COL23A1: variants seen among roughly 807,000 people sequenced by gnomAD.
COL23A1 encodes the protein collagen alpha-1(XXIII) chain.
In COL23A1, 97 loss-of-function variants were observed where a neutral mutation model predicts 99.3. That is an observed-to-expected ratio of 0.98 (90% CI 0.83 to 1.16). The LOEUF (loss-of-function observed/expected upper bound fraction) is 1.16. Among genes scored for constraint, COL23A1 ranks in the 50% most tolerant of loss-of-function variants. The pLI is 0.00. For missense variants in COL23A1, 762 were observed against 757.4 expected (o/e 1.01, Z -0.07); for synonymous variants, 320 against 308.2 (o/e 1.04, Z -0.40).
At chr5:178,554,691 CTT>C (rs58748656) in intron 2 of COL23A1, among the ~76,000 whole-genome samples, 1 of 152,162 alleles carries the variant, frequency 6.6e-6, no homozygotes, top group East Asian at 1.9e-4. Flanking sequence ...CCCTCCCCCA[CTT>C]TGTCTCCCCT....
At chr5:178,525,848 A>G (rs533717943) in intron 2 of COL23A1, among the ~76,000 whole-genome samples, 47 of 152,390 alleles carry the variant, frequency 3.1e-4, no homozygotes, top group African/African-American at 1.1e-3. Context: ...ATGTATCCAC[A>G]GGCAAAGCAC....
In COL23A1 at chr5:178,449,747, C is replaced by T. The variant is rs1024123577; in HGVS notation, c.361+110935G>A. Among the ~76,000 whole-genome samples, 5 of 151,898 alleles carry T rather than the reference C, an allele frequency of 3.3e-5. 1 individual carries two copies. Among genetic ancestry groups the T allele is most frequent in the African/African-American group, 9.7e-5 (4 of 41,334 alleles). ...CAGCAGAGCTTTTGTTGTCTGGTCT[C>T]GTATGTTTCTGAGAAAATTATACAC... On this transcript the variant is annotated intron_variant, in intron 2 of 28. Transcript: ENST00000390654.
intron 5 of COL23A1, among the ~76,000 whole-genome samples, chr5:178,278,580 T>C (rs1379391570): frequency 6.6e-6 from 1 of 152,116 alleles, no homozygotes; most frequent in Non-Finnish European, 1.5e-5. Context: ...TGCCGGCGGC[T>C]GCAAGCGTCA....
intron 2 of COL23A1, among the ~76,000 whole-genome samples, chr5:178,352,992 T>C (rs1445799411): frequency 1.3e-5 from 2 of 152,210 alleles, no homozygotes; most frequent in South Asian, 2.1e-4. Flanking sequence ...TAACTGGCAA[T>C]GTACACTCCA....
At chr5:178,352,281 T>G (rs1761374445) in intron 2 of COL23A1, 5 of 152,236 alleles carry the variant, frequency 3.3e-5, no homozygotes, top group African/African-American at 1.2e-4. Flanking sequence ...CTTAGCGCTT[T>G]GGATCTTCTC....
intron 8 of COL23A1, among the ~76,000 whole-genome samples, chr5:178,266,385 A>G (rs1204008850): frequency 6.6e-6 from 1 of 151,548 alleles, no homozygotes; most frequent in Admixed American, 6.6e-5. Flanking sequence ...GTGTGCGCAT[A>G]TGTGTGTGTG....
chr5:178,486,115 C>T (rs191735183), intron 2 of COL23A1, among the ~76,000 whole-genome samples: 1 of 152,302 alleles, frequency 6.6e-6, no homozygotes, highest in Non-Finnish European at 1.5e-5. Context: ...ACGTGCAATA[C>T]ACATGTAAAG....
chr5:178,241,279 GAAA>G (rs1764383418), intron 27 of COL23A1, among the ~76,000 whole-genome samples: 1 of 152,020 alleles, frequency 6.6e-6, no homozygotes. Context: ...ACCAGTGCCT[GAAA>G]CCACTGGGGC....
intron 1 of COL23A1, among the ~76,000 whole-genome samples, chr5:178,564,637 T>C (rs1277664898): frequency 6.6e-6 from 1 of 152,138 alleles, no homozygotes; most frequent in Non-Finnish European, 1.5e-5. Flanking sequence ...CTAGAAGTAC[T>C]GGGAAGGAGA....
At chr5:178,303,440 T>C (rs575780793) in intron 3 of COL23A1, among the ~76,000 whole-genome samples, 84 of 152,354 alleles carry the variant, frequency 5.5e-4, no homozygotes, top group African/African-American at 1.9e-3. Context: ...TCTGTTCATT[T>C]CCAGAGTTCT....
At chr5:178,466,910 A>AGCCTAGCTGTG (rs1299791967) in intron 2 of COL23A1, among the ~76,000 whole-genome samples, 2 of 152,252 alleles carry the variant, frequency 1.3e-5, no homozygotes, top group African/African-American at 4.8e-5. Context: ...TTGTGTCCCT[A>AGCCTAGCTGTG]GCCTAGCTGT....
chr5:178,422,289 G>A (rs73803091), intron 2 of COL23A1, among the ~76,000 whole-genome samples: 4,316 of 152,152 alleles, frequency 0.028, 174 homozygotes, highest in African/African-American at 0.095. Flanking sequence ...GCTCCTGCAC[G>A]TTCTTGCCCG....
At chr5:178,522,156 G>T (rs1202172742) in intron 2 of COL23A1, among the ~76,000 whole-genome samples, 1 of 152,196 alleles carries the variant, frequency 6.6e-6, no homozygotes, top group African/African-American at 2.4e-5. Context: ...CGAGTTAACT[G>T]GATGAAGGTG....
At chr5:178,540,753 CT>C (rs1262446094) in intron 2 of COL23A1, among the ~76,000 whole-genome samples, 1 of 152,086 alleles carries the variant, frequency 6.6e-6, no homozygotes, top group African/African-American at 2.4e-5. Context: ...GAGACTCCAT[CT>C]CTACAAAAAA....
intron 2 of COL23A1, among the ~76,000 whole-genome samples, chr5:178,523,143 A>AAT (rs34569306): frequency 0.012 from 1,272 of 106,120 alleles, 10 homozygotes; most frequent in African/African-American, 0.017. Flanking sequence ...TCTATTTAAA[A>AAT]ATATATATAT....
chr5:178,476,772 G>A (rs1031092140), intron 2 of COL23A1, among the ~76,000 whole-genome samples: 6 of 152,224 alleles, frequency 3.9e-5, no homozygotes, highest in African/African-American at 1.4e-4. Flanking sequence ...CACTGGCTCT[G>A]TGCCAGCCAC....
At chr5:178,298,761 G>A (rs975527877) in intron 3 of COL23A1, among the ~76,000 whole-genome samples, 5 of 152,198 alleles carry the variant, frequency 3.3e-5, no homozygotes, top group Non-Finnish European at 7.3e-5. Flanking sequence ...TAAAGGAGCA[G>A]AATGGGCCAG....
At chr5:178,540,573 T>C (rs926277330) in intron 2 of COL23A1, among the ~76,000 whole-genome samples, 1 of 151,824 alleles carries the variant, frequency 6.6e-6, no homozygotes, top group Non-Finnish European at 1.5e-5. Context: ...GCCTGAAGAG[T>C]GTAAAGATGT....
chr5:178,494,624 G>A (rs12514295), intron 2 of COL23A1, among the ~76,000 whole-genome samples: 55,524 of 152,052 alleles, frequency 0.37, 11,882 homozygotes, highest in Admixed American at 0.5. Context: ...GCACTGAGCC[G>A]AGATTGCACC....
Sources: gnomAD v4.1 joint callset for allele counts (sites outside exome capture counted in the v4.1 genomes callset) on GRCh38, gnomAD v4.1.1 for gene constraint, MANE v1.5 for transcripts, NCBI Gene and HGNC (gene_info 2026-07-23, HGNC 2026-07-21) for gene names.